The following NUP107 variants were observed in gnomAD, a reference collection of about 807,000 sequenced individuals.
NUP107 encodes nucleoporin 107, also known as nuclear pore complex protein Nup107.
Under a neutral mutation model 141.0 loss-of-function variants are expected in NUP107, and 101 were observed. The ratio of observed to expected loss-of-function variants is 0.72; its 90% confidence interval spans 0.61 to 0.84. NUP107 has a LOEUF of 0.84. Among genes scored for constraint, NUP107 ranks in the 40% least tolerant of loss-of-function variants. The pLI is 0.00. For synonymous variants in NUP107, 319 were observed against 363.9 expected (o/e 0.88, Z 1.41); for missense variants, 941 against 1,102.7 (o/e 0.85, Z 2.08).
chr12:68,729,343 T>C (rs939689657), intron 20 of NUP107, among the ~76,000 whole-genome samples: 4 of 152,218 alleles, frequency 2.6e-5, no homozygotes, highest in African/African-American at 9.6e-5. Context: ...AAATTTTAAC[T>C]TTTTATAATA....
chr12:68,721,861 C>G lies in NUP107; in HGVS notation c.1332C>G (p.Thr444=), dbSNP rs1332638519. ...AAAAGCTGCTTCCTGTCTGTGACAC[C>G]TGGGAAGACACAGTTTGGGCCTACT... ...NLKQLLPVCD[T]WEDTVWAYFR... The change falls in exon 16 of 28, where the codon ACC becomes ACG. Residue 444 remains threonine, a synonymous_variant. Transcript: ENST00000229179. 1.2e-6 allele frequency: 2 copies of G among 1,613,324 alleles called. No homozygotes were observed. Among genetic ancestry groups the G allele is most frequent in the Admixed American group, 1.7e-5 (1 of 59,836 alleles).
At position 68,741,999 on chromosome 12, in the gene NUP107, T is replaced by C. The variant is rs773681066; in HGVS notation, c.2670+19T>C. ...GTACCTGGTAAGTTCTAGAGCCTTG[T>C]AGTTTTAAATTTTAATGATTTGATA... On this transcript the variant is annotated intron_variant, in intron 27 of 27. Transcript: ENST00000229179. 6.5e-6 allele frequency: 10 copies of C among 1,541,842 alleles called. No individual in the cohort carries two copies. The East Asian group carries it at 2.3e-4, about 35-fold the overall frequency.
At chr12:68,739,803 C>T (rs1565706110) in intron 26 of NUP107, 1 of 151,100 alleles carries the variant, frequency 6.6e-6, no homozygotes, top group African/African-American at 2.4e-5. Context: ...CGCCACTGCA[C>T]TCCAGCCTGG....
In NUP107 at chr12:68,742,336, TTC is replaced by T. The variant is rs762918103; in HGVS notation, c.2671-15_2671-14del. ...TACTTGTCTTTGTTCTCATTCTTAT[TTC>T]TCTTTTTAAAAATCAGGTATTTTCT... On this transcript the variant is annotated splice_polypyrimidine_tract_variant and intron_variant, in intron 27 of 27. Transcript: ENST00000229179. 1 of 1,481,292 alleles carries T rather than the reference TTC, an allele frequency of 6.8e-7. No individual in the cohort carries two copies. Among genetic ancestry groups the T allele is most frequent in the African/African-American group, 1.4e-5 (1 of 71,944 alleles). 91.8% of individuals were successfully genotyped at this position (1,481,292 alleles called of 1,614,324 possible).
intron 14 of NUP107, among the ~76,000 whole-genome samples, 174 bp downstream of exon 14, chr12:68,719,828 A>G (rs909749577): frequency 6.6e-6 from 1 of 152,180 alleles, no homozygotes; most frequent in Non-Finnish European, 1.5e-5. Context: ...GTGTACTAAG[A>G]ATTAAACACT....
intron 24 of NUP107, among the ~76,000 whole-genome samples, chr12:68,734,239 G>A (rs2136047635): frequency 6.6e-6 from 1 of 152,186 alleles, no homozygotes; most frequent in Admixed American, 6.5e-5. Flanking sequence ...ATCATGCCTT[G>A]TCTTTATTAG....
chr12:68,689,724 A>G, intron 3 of NUP107, 105 bp downstream of exon 3: 1 of 722,082 alleles, frequency 1.4e-6, no homozygotes, highest in South Asian at 1.8e-5. Flanking sequence ...GATATCAATA[A>G]GCACTAATAA....
intron 8 of NUP107, chr12:68,706,388 C>T (rs1373735439): frequency 8.8e-6 from 11 of 1,249,732 alleles, no homozygotes; most frequent in East Asian, 2.3e-5. Flanking sequence ...TGACAACAGT[C>T]GCTCCCTGGA....
At position 68,688,950 on chromosome 12, in the gene NUP107, A is replaced by G. The variant is rs754060800; in HGVS notation, c.9-12A>G. 5 of 1,592,984 alleles carry G rather than the reference A, an allele frequency of 3.1e-6. No individual in the cohort carries two copies. Among genetic ancestry groups the G allele is most frequent in the African/African-American group, 1.3e-5 (1 of 74,300 alleles). On this transcript the variant is annotated splice_polypyrimidine_tract_variant and intron_variant, in intron 1 of 27. Transcript: ENST00000229179. Reference sequence around the variant, plus strand: ...TCGTTTCACTTATATAAGCTTGATTATACTACTTTAGGAGTGGCTTTGGAG... The same window carrying G: ...TCGTTTCACTTATATAAGCTTGATTGTACTACTTTAGGAGTGGCTTTGGAG...
At chr12:68,707,181 C>G in intron 8 of NUP107, 1 of 472,308 alleles carries the variant, frequency 2.1e-6, no homozygotes, top group Admixed American at 3.5e-5. Flanking sequence ...AGCCCTAGCC[C>G]TCTGCCCACC....
Position 68,735,345 on chromosome 12 carries a change from G to T in NUP107, c.2502+1G>T. 1 of 1,607,268 alleles carries T rather than the reference G, an allele frequency of 6.2e-7. No homozygotes were observed. Among genetic ancestry groups the T allele is most frequent in the Non-Finnish European group, 8.5e-7 (1 of 1,173,910 alleles). The stretch of plus-strand genomic sequence containing the variant: ...AGGGTGGATGGTGGATGTTAGAGAG[G>T]TAAGCTGTGTGCATTGTTTATAGCC... On this transcript the variant is annotated splice_donor_variant, in intron 26 of 27. Transcript: ENST00000229179. LOFTEE classifies it high-confidence loss of function.
intron 12 of NUP107, among the ~76,000 whole-genome samples, chr12:68,716,377 C>T (rs1348793110): frequency 6.6e-6 from 1 of 151,828 alleles, no homozygotes; most frequent in Non-Finnish European, 1.5e-5. Flanking sequence ...ACTACAGGTA[C>T]ACGCCACTAT....
In NUP107 at chr12:68,719,648, A is replaced by G. The variant is rs764019854; in HGVS notation, c.1245A>G (p.Ala415=). The G allele has an allele frequency of 1.9e-6, 3 of 1,598,548 alleles. No homozygotes were observed. The highest frequency in any genetic ancestry group is 2.6e-6 in the Non-Finnish European group (3 of 1,165,920). The change falls in exon 14 of 28, where the codon GCA becomes GCG. Residue 415 remains alanine (A), a synonymous_variant. Coordinates refer to ENST00000229179, the MANE Select transcript of NUP107 (RefSeq NM_020401.4). ...GGAAAATAAGTTGCTGGAGAATGGC[A>G]GAAGATGTAAGATAAATAAAATATT... ...RIWKISCWRM[A]EDELFNRYER... is the part of the protein sequence containing the mutation.
At chr12:68,706,473 G>A (rs781211002) in intron 8 of NUP107, 11 of 717,670 alleles carry the variant, frequency 1.5e-5, no homozygotes, top group Non-Finnish European at 2.6e-5. Flanking sequence ...GAGGCTGAGA[G>A]CATGAGATCA....
intron 10 of NUP107, among the ~76,000 whole-genome samples, chr12:68,710,623 C>T (rs1876801783): frequency 7.1e-6 from 1 of 141,744 alleles, no homozygotes; most frequent in South Asian, 2.2e-4. Context: ...CCATTGCACT[C>T]CAGCCTGGGC....
chr12:68,699,899 TG>T (rs1876244554), intron 6 of NUP107, among the ~76,000 whole-genome samples: 1 of 152,052 alleles, frequency 6.6e-6, no homozygotes, highest in Non-Finnish European at 1.5e-5. Context: ...AAGGTGTTTT[TG>T]TTTTTGTTTT....
At chr12:68,717,792 C>G (rs1050856558) in intron 12 of NUP107, among the ~76,000 whole-genome samples, 3 of 152,094 alleles carry the variant, frequency 2.0e-5, no homozygotes, top group African/African-American at 4.8e-5. Flanking sequence ...TTTCAACATT[C>G]TATATTGAGT....
In NUP107 at chr12:68,731,189, A is replaced by G; in HGVS notation, c.1814A>G (p.Tyr605Cys). 1 of 1,612,338 alleles carries G rather than the reference A, an allele frequency of 6.2e-7. No homozygotes were observed. The highest frequency in any genetic ancestry group is 1.1e-5 in the South Asian group (1 of 90,778). The change falls in exon 21 of 28, where the codon TAT (tyrosine) becomes TGT (cysteine). Residue 605 changes from tyrosine to cysteine, a missense_variant. Physicochemically the swap from Tyr to Cys is radical, Grantham distance 194. Transcript: ENST00000229179. ...HLPQDLAVAQ[Y>C]ALFLESVTEF... is the part of the protein sequence containing the mutation. ...CCTCAAGACCTAGCTGTTGCCCAGT[A>G]TGCATTATTTTTGGAAAGTGTTACA...
chr12:68,713,763 G>A lies in NUP107; in HGVS notation c.924G>A (p.Gln308=), dbSNP rs1876979659. 1.9e-6 allele frequency: 3 copies of A among 1,608,846 alleles called. No homozygotes were observed. The highest frequency in any genetic ancestry group is 1.7e-5 in the Admixed American group (1 of 58,846). ...CTCTGCATACCTTAAAACAACGGCA[G>A]CTGACTTCTTACGTTGGAAGTGTTC... ...ENTLHTLKQR[Q]LTSYVGSVRP... The change falls in exon 11 of 28, where the codon CAG becomes CAA. Residue 308 remains glutamine (Q), a synonymous_variant. Transcript: ENST00000229179.
Sources: allele counts gnomAD v4.1 joint callset (sites outside exome capture counted in the v4.1 genomes callset), GRCh38; gene constraint gnomAD v4.1.1; transcripts MANE v1.5; gene names NCBI Gene and HGNC (gene_info 2026-07-23, HGNC 2026-07-21).